The following CHRDL1 variants were observed in gnomAD, a reference collection of about 807,000 sequenced individuals.
The protein encoded by CHRDL1 is chordin like 1.
Under a neutral mutation model 40.9 loss-of-function variants are expected in CHRDL1, and 19 were observed. That is an observed-to-expected ratio of 0.46 (90% CI 0.32 to 0.68). The LOEUF (loss-of-function observed/expected upper bound fraction) is 0.68, where lower values mean the gene tolerates loss of function less well. Among genes scored for constraint, CHRDL1 ranks in the 30% least tolerant of loss-of-function variants. CHRDL1 has a pLI of 0.03. For synonymous variants in CHRDL1, 136 were observed against 123.4 expected (o/e 1.10, Z -0.68); for missense variants, 329 against 352.1 (o/e 0.93, Z 0.53).
At chrX:110,787,077 T>G (rs758454481) in intron 2 of CHRDL1, among the ~76,000 whole-genome samples, 1 of 111,791 alleles carries the variant, frequency 8.9e-6, no homozygotes, top group African/African-American at 3.3e-5. Context: ...CTTGATTTCA[T>G]TGAGTTTCAA....
intron 8 of CHRDL1, among the ~76,000 whole-genome samples, chrX:110,692,332 T>G (rs900110943): frequency 9.0e-6 from 1 of 110,754 alleles, no homozygotes; most frequent in Non-Finnish European, 1.9e-5. Flanking sequence ...AGCTTGGGAG[T>G]TGGGGGTGGG....
At chrX:110,697,195 A>T (rs1042918045) in intron 7 of CHRDL1, among the ~76,000 whole-genome samples, 2 of 110,966 alleles carry the variant, frequency 1.8e-5, no homozygotes, top group African/African-American at 6.6e-5. Flanking sequence ...CAGGCTTTAG[A>T]GGTGGCTCTA....
intron 2 of CHRDL1, among the ~76,000 whole-genome samples, chrX:110,764,332 C>T (rs758402420): frequency 9.8e-5 from 11 of 111,912 alleles, no homozygotes; most frequent in Non-Finnish European, 1.5e-4. Context: ...ATGTCTGTTG[C>T]GGGAAGTCAG....
chrX:110,719,824 A>G lies in CHRDL1; in HGVS notation c.541+11T>C, dbSNP rs1203165031. The stretch of plus-strand genomic sequence containing the variant: ...GCAGCACCCAGGGGTCTTGGGATAT[A>G]ACACACCTACCTCTGCATACCCGGC... On this transcript the variant is annotated intron_variant, in intron 6 of 11. Coordinates refer to ENST00000372042, the MANE Select transcript of CHRDL1 (RefSeq NM_001143981.2). 1.7e-6 allele frequency: 2 copies of G among 1,161,170 alleles called. No individual in the cohort carries two copies. Among genetic ancestry groups the G allele is most frequent in the South Asian group, 1.8e-5 (1 of 55,429 alleles).
intron 2 of CHRDL1, among the ~76,000 whole-genome samples, chrX:110,771,201 T>TA (rs2089753379): frequency 9.0e-6 from 1 of 110,741 alleles, no homozygotes; most frequent in African/African-American, 3.3e-5. Flanking sequence ...TAAAGGAATT[T>TA]AAATTGTAGT....
At position 110,704,160 on chromosome X, in the gene CHRDL1, C is replaced by T. The variant is rs1417366445; in HGVS notation, c.542-3439G>A. On this transcript the variant is annotated intron_variant, in intron 6 of 11. Transcript: ENST00000372042. ...TCATTTGTAACTTAAAAGATAAATG[C>T]TTGAGGGGATCGATACCCTATTCTC... is the stretch of plus-strand genomic sequence containing the variant. Among the ~76,000 whole-genome samples, 10 of 111,006 alleles carry T rather than the reference C, an allele frequency of 9.0e-5. No individual in the cohort carries two copies. The Admixed American group carries it at 9.6e-4, about 11-fold the overall frequency.
chrX:110,795,424 G>A (rs2090164871), intron 1 of CHRDL1, among the ~76,000 whole-genome samples: 1 of 111,952 alleles, frequency 8.9e-6, no homozygotes, highest in Admixed American at 9.4e-5. Flanking sequence ...GGGGACTGCA[G>A]AGTCCCTTGG....
chrX:110,713,705 C>T (rs1569469714), intron 6 of CHRDL1, among the ~76,000 whole-genome samples: 1 of 112,494 alleles, frequency 8.9e-6, no homozygotes, highest in Non-Finnish European at 1.9e-5. Context: ...CCTTAGCTTC[C>T]GCATCTGTAG....
At chrX:110,750,715 C>T (rs1467768224) in intron 4 of CHRDL1, among the ~76,000 whole-genome samples, 2 of 111,511 alleles carry the variant, frequency 1.8e-5, no homozygotes, top group African/African-American at 3.3e-5. Context: ...AAGCTCCCCA[C>T]GGAGGGTCTT....
intron 2 of CHRDL1, among the ~76,000 whole-genome samples, chrX:110,784,103 GA>G (rs1282949225): frequency 9.0e-6 from 1 of 111,535 alleles, no homozygotes; most frequent in Non-Finnish European, 1.9e-5. Flanking sequence ...GAAGAGTGAA[GA>G]AAAAATAAAG....
At chrX:110,739,533 G>A (rs1240559440) in intron 4 of CHRDL1, among the ~76,000 whole-genome samples, 1 of 111,783 alleles carries the variant, frequency 8.9e-6, no homozygotes, top group Non-Finnish European at 1.9e-5. Context: ...AGACTCTAGA[G>A]GAAAGAAAGA....
chrX:110,762,760 C>A lies in CHRDL1; in HGVS notation c.142G>T (p.Glu48Ter), dbSNP rs760426820. 8.4e-7 allele frequency: 1 copy of A among 1,191,745 alleles called. No individual in the cohort carries two copies. The change falls in exon 3 of 12, where the codon GAG becomes TAG. Residue 48 changes from glutamate (E) to a stop codon, truncating the protein, a stop_gained. Coordinates refer to ENST00000372042, the MANE Select transcript of CHRDL1 (RefSeq NM_001143981.2). LOFTEE classifies it high-confidence loss of function. ...MFQDKKYRVG[E>*]RWHPYLEPYG... ...GGTTCCAGGTAAGGATGCCATCTCT[C>A]ACCCACTCTGTACTTCTTGTCTTGA... is the stretch of plus-strand genomic sequence containing the variant.
chrX:110,729,084 G>A (rs2071110217), intron 4 of CHRDL1, among the ~76,000 whole-genome samples: 1 of 111,824 alleles, frequency 8.9e-6, no homozygotes, highest in Admixed American at 9.5e-5. Context: ...CTGAGCTTGC[G>A]CCACTGCACT....
chrX:110,793,687 A>T (rs1260167384), intron 1 of CHRDL1, among the ~76,000 whole-genome samples: 10 of 112,490 alleles, frequency 8.9e-5, no homozygotes, highest in African/African-American at 3.2e-4. Context: ...CAAAAGAGAA[A>T]GATTTTTAAC....
At chrX:110,736,133 C>T (rs905436611) in intron 4 of CHRDL1, among the ~76,000 whole-genome samples, 1 of 112,411 alleles carries the variant, frequency 8.9e-6, no homozygotes, top group African/African-American at 3.2e-5. Flanking sequence ...TCCAGTCTAC[C>T]TCTTCCTGAC....
At chrX:110,694,517 T>C (rs1393465555) in intron 7 of CHRDL1, among the ~76,000 whole-genome samples, 186 bp from the exon 8 acceptor site, 4 of 111,854 alleles carry the variant, frequency 3.6e-5, no homozygotes, top group African/African-American at 6.5e-5. Context: ...TTTTTTTCAT[T>C]AAAATTTTTT....
At chrX:110,702,517 T>C (rs1257551192) in intron 6 of CHRDL1, among the ~76,000 whole-genome samples, 1 of 110,883 alleles carries the variant, frequency 9.0e-6, no homozygotes, top group Non-Finnish European at 1.9e-5. Flanking sequence ...TAATAATGAG[T>C]TTGTGAGAAT....
chrX:110,690,258 C>T (rs2070246529), intron 8 of CHRDL1, among the ~76,000 whole-genome samples: 1 of 104,789 alleles, frequency 9.5e-6, no homozygotes, highest in Non-Finnish European at 1.9e-5. Flanking sequence ...CTGTGTTAGC[C>T]AGGATGGTCT....
intron 2 of CHRDL1, among the ~76,000 whole-genome samples, chrX:110,789,695 T>C (rs1314600397): frequency 2.7e-5 from 3 of 111,813 alleles, no homozygotes; most frequent in Admixed American, 1.9e-4. Context: ...TAAAATATCA[T>C]ACAGGCATGT....
Sources: gnomAD v4.1 joint callset for allele counts (sites outside exome capture counted in the v4.1 genomes callset) on GRCh38, gnomAD v4.1.1 for gene constraint, MANE v1.5 for transcripts, NCBI Gene and HGNC (gene_info 2026-07-23, HGNC 2026-07-21) for gene names.